The following ZNF608 variants were observed in gnomAD, a reference collection of about 807,000 sequenced individuals.
The protein encoded by ZNF608 is zinc finger protein 608.
A neutral mutation model predicts 109.0 loss-of-function variants in ZNF608; 12 were observed. That is an observed-to-expected ratio of 0.11 (90% CI 0.07 to 0.18). The LOEUF (loss-of-function observed/expected upper bound fraction) is 0.18. Among genes scored for constraint, ZNF608 ranks in the 10% least tolerant of loss-of-function variants. The pLI, the probability that ZNF608 is intolerant of heterozygous loss-of-function variation, is 1.00. For synonymous variants in ZNF608, 732 were observed against 717.4 expected, an observed-to-expected ratio of 1.02 and a Z score of -0.33; for missense variants, 1,707 against 1,879.3, an observed-to-expected ratio of 0.91 and a Z score of 1.70.
intron 2 of ZNF608, among the ~76,000 whole-genome samples, chr5:124,706,802 G>C (rs1753275710): frequency 6.6e-6 from 1 of 152,214 alleles, no homozygotes; most frequent in Non-Finnish European, 1.5e-5. Context: ...TTAATGTCAA[G>C]AACAGACGCG....
In ZNF608 at chr5:124,648,549, G is replaced by T; in HGVS notation, c.1835C>A (p.Pro612Gln). Residue 612 changes from proline (P) to glutamine (Q), a missense_variant, in exon 5 of 10, where the codon CCA becomes CAA. Coordinates refer to ENST00000513986, the MANE Select transcript of ZNF608 (RefSeq NM_020747.3). ...GTCATAAGCAGATACACTTGTGCTTGGCTCACTGCATTCAAGTGCCACATT... is the reference window on the plus strand; with the variant it reads ...GTCATAAGCAGATACACTTGTGCTTTGCTCACTGCATTCAAGTGCCACATT... ...LSNVALECSE[P>Q]STSVSAYDQL... is the part of the protein sequence containing the mutation. 6.2e-7 allele frequency: 1 copy of T among 1,614,202 alleles called. No individual in the cohort carries two copies. Among genetic ancestry groups the T allele is most frequent in the Non-Finnish European group, 8.5e-7 (1 of 1,180,036 alleles).
At chr5:124,656,987 T>C (rs770941114) in intron 3 of ZNF608, among the ~76,000 whole-genome samples, 6 of 152,188 alleles carry the variant, frequency 3.9e-5, no homozygotes, top group African/African-American at 1.4e-4. Context: ...GGGAAAATCA[T>C]TGAGCTTCTT....
chr5:124,733,566 C>T (rs1212268894), intron 2 of ZNF608, among the ~76,000 whole-genome samples: 1 of 152,138 alleles, frequency 6.6e-6, no homozygotes, highest in East Asian at 1.9e-4. Context: ...AAAGCCGGGG[C>T]AGACTGACCT....
intron 3 of ZNF608, among the ~76,000 whole-genome samples, chr5:124,658,727 G>C (rs762626472): frequency 6.6e-6 from 1 of 151,964 alleles, no homozygotes; most frequent in Non-Finnish European, 1.5e-5. Context: ...TCTCTTTGTG[G>C]GAAGACAAAG....
rs1275923645 is a variant in ZNF608 at position 124,647,181 on chromosome 5, G to A, written c.3203C>T (p.Thr1068Ile). The change falls in exon 5 of 10, where the codon ACA (threonine) becomes ATA (isoleucine). Residue 1068 changes from threonine (T) to isoleucine (I), a missense_variant. Transcript: ENST00000513986. The stretch of plus-strand genomic sequence containing the variant: ...CTGAGCCAGGGCAGGATGTCTTTGT[G>A]TGATCACCGACTGGTGCTGAGGCTG... ...SLQPQHQSVITQRHPALAQSL... is the reference protein window; with the variant it reads ...SLQPQHQSVIIQRHPALAQSL... The A allele has an allele frequency of 3.1e-6, 5 of 1,614,092 alleles. No individual in the cohort carries two copies. Among genetic ancestry groups the A allele is most frequent in the South Asian group, 1.1e-5 (1 of 91,092 alleles).
intron 2 of ZNF608, among the ~76,000 whole-genome samples, chr5:124,734,228 G>C (rs1027435438): frequency 6.6e-6 from 1 of 152,176 alleles, no homozygotes; most frequent in African/African-American, 2.4e-5. Flanking sequence ...TTTACATTAA[G>C]AGTAGCACCT....
Position 124,647,853 on chromosome 5 carries a change from C to T in ZNF608, c.2531G>A (p.Gly844Glu). The change falls in exon 5 of 10, where the codon GGG becomes GAG. Residue 844 changes from glycine to glutamate, a missense_variant. By Grantham distance (98) the Gly-to-Glu change is moderately conservative. Transcript: ENST00000513986. Reference sequence around the variant, plus strand: ...ATGCCCAGGTAAATCTTTGCTGGCCCCCTTGGAGTCCTCTAGTTTCCCCAG... The same window carrying T: ...ATGCCCAGGTAAATCTTTGCTGGCCTCCTTGGAGTCCTCTAGTTTCCCCAG... The part of the protein sequence containing the change: ...AKLGKLEDSK[G>E]ASKDLPGHFL... 3 of 1,614,186 alleles carry T rather than the reference C, an allele frequency of 1.9e-6. No individual in the cohort carries two copies. The highest frequency in any genetic ancestry group is 2.5e-6 in the Non-Finnish European group (3 of 1,180,038).
chr5:124,677,504 C>A (rs1580603364), intron 3 of ZNF608, among the ~76,000 whole-genome samples: 1 of 152,106 alleles, frequency 6.6e-6, no homozygotes, highest in Admixed American at 6.6e-5. Flanking sequence ...TTACAGGAAA[C>A]CAAGGATTAA....
At chr5:124,695,161 T>G (rs2149842271) in intron 3 of ZNF608, among the ~76,000 whole-genome samples, 1 of 152,262 alleles carries the variant, frequency 6.6e-6, no homozygotes, top group South Asian at 2.1e-4. Context: ...ACTGTTATAA[T>G]CGCCACTGAC....
chr5:124,698,824 A>C (rs555739007), intron 3 of ZNF608, among the ~76,000 whole-genome samples: 13 of 152,358 alleles, frequency 8.5e-5, no homozygotes, highest in African/African-American at 1.9e-4. Context: ...AAAAGTCAAA[A>C]CTAAGCAGAC....
rs1750589396 is a variant in ZNF608, at chr5:124,647,653, T to A, written c.2731A>T (p.Asn911Tyr). 6.2e-7 allele frequency: 1 copy of A among 1,614,238 alleles called. No homozygotes were observed. The highest frequency in any genetic ancestry group is 2.2e-5 in the East Asian group (1 of 44,880). Residue 911 changes from asparagine to tyrosine, a missense_variant, in exon 5 of 10, where the codon AAC becomes TAC. By Grantham distance (143) the Asn-to-Tyr change is moderately radical. Transcript: ENST00000513986. ...AGAGGTGCCATTGGTGCCTGCCCGT[T>A]CACCAAAGTGCTGCATTCCAGCCTC... ...ASRLECSTLV[N>Y]GQAPMAPLHV...
intron 2 of ZNF608, among the ~76,000 whole-genome samples, chr5:124,702,812 G>C (rs956751705): frequency 7.2e-5 from 11 of 152,168 alleles, no homozygotes; most frequent in African/African-American, 2.7e-4. Context: ...CTTGATCACA[G>C]AGCCCAGGAA....
At chr5:124,649,732 T>C in intron 3 of ZNF608, 35 bp from the exon 4 acceptor site, 1 of 1,297,966 alleles carries the variant, frequency 7.7e-7, no homozygotes, top group African/African-American at 1.5e-5. Flanking sequence ...GGATCATAGT[T>C]ACCACTGATT....
In ZNF608 at chr5:124,647,017, C is replaced by A; in HGVS notation, c.3367G>T (p.Gly1123Trp). The change falls in exon 5 of 10, where the codon GGG (glycine) becomes TGG (tryptophan). Residue 1123 changes from glycine (G) to tryptophan (W), a missense_variant. Around this residue, in one of 7 missense-constraint regions of ZNF608, gnomAD observed 1,073 missense variants for 1,133.5 expected, o/e 0.95. Coordinates refer to ENST00000513986, the MANE Select transcript of ZNF608 (RefSeq NM_020747.3). The part of the protein sequence containing the change: ...RLAEQKMAQT[G>W]RGDCERKSEL... ...CTTTTCCTTTCACAGTCTCCTCTCC[C>A]AGTCTGGGCCATTTTCTGCTCTGCC... 3.7e-6 allele frequency: 6 copies of A among 1,614,034 alleles called. No homozygotes were observed. Among genetic ancestry groups the A allele is most frequent in the Non-Finnish European group, 5.1e-6 (6 of 1,179,974 alleles).
chr5:124,735,583 T>G (rs1749108541), intron 2 of ZNF608, among the ~76,000 whole-genome samples: 1 of 152,208 alleles, frequency 6.6e-6, no homozygotes, highest in Non-Finnish European at 1.5e-5. Flanking sequence ...CTTCTTTATT[T>G]TAAGAATGGG....
chr5:124,715,428 T>C (rs1180333062), intron 2 of ZNF608, among the ~76,000 whole-genome samples: 1 of 152,224 alleles, frequency 6.6e-6, no homozygotes, highest in African/African-American at 2.4e-5. Flanking sequence ...GCTTGCCATA[T>C]CTGCAGCAAA....
At chr5:124,710,064 T>C (rs1029186663) in intron 2 of ZNF608, 7 of 300,444 alleles carry the variant, frequency 2.3e-5, no homozygotes, top group African/African-American at 1.5e-4. Context: ...AACACATGAA[T>C]AATGCATGTA....
In ZNF608 at chr5:124,644,362, G is replaced by T; in HGVS notation, c.4005C>A (p.Pro1335=). The T allele has an allele frequency of 6.2e-7, 1 of 1,614,160 alleles. No individual in the cohort carries two copies. Among genetic ancestry groups the T allele is most frequent in the South Asian group, 1.1e-5 (1 of 91,084 alleles). The change falls in exon 6 of 10, where the codon CCC becomes CCA. Residue 1335 remains proline, a synonymous_variant. Transcript: ENST00000513986. ...GTATGTATGACTGATGCTGACTCATGGGTGAGGAGACAGCCACTCTTGTTC... is the reference window on the plus strand; with the variant it reads ...GTATGTATGACTGATGCTGACTCATTGGTGAGGAGACAGCCACTCTTGTTC... ...SRGTRVAVSS[P]MSQHQSYIQY...
In ZNF608 at chr5:124,697,885, A is replaced by C. The variant is rs572161104; in HGVS notation, c.1162+3129T>G. Reference sequence around the variant, plus strand: ...AACTCTTAAAATTCTAGGATCTTAAAACACACACACATATATGACCTTCAC... The same window carrying C: ...AACTCTTAAAATTCTAGGATCTTAACACACACACACATATATGACCTTCAC... On this transcript the variant is annotated intron_variant, in intron 3 of 9. Coordinates refer to ENST00000513986, the MANE Select transcript of ZNF608 (RefSeq NM_020747.3). 1.8e-4 allele frequency among the ~76,000 whole-genome samples: 27 copies of C among 152,322 alleles called. No individual in the cohort carries two copies. In the East Asian group the frequency reaches 4.8e-3, roughly 27 times the overall value.
Sources: gnomAD v4.1 joint callset for allele counts (sites outside exome capture counted in the v4.1 genomes callset) on GRCh38, gnomAD v4.1.1 for gene constraint, gnomAD v4.1.1 regional missense constraint, MANE v1.5 for transcripts, NCBI Gene and HGNC (gene_info 2026-07-23, HGNC 2026-07-21) for gene names.